FAM98C: variants seen among roughly 807,000 people sequenced by gnomAD.
The protein encoded by FAM98C is tRNA splicing ligase complex subunit 3C.
Under a neutral mutation model 41.1 loss-of-function variants are expected in FAM98C, and 38 were observed. The ratio of observed to expected loss-of-function variants is 0.92; its 90% confidence interval spans 0.71 to 1.21. FAM98C has a LOEUF of 1.21. Among genes scored for constraint, FAM98C ranks in the 50% most tolerant of loss-of-function variants. The pLI is 0.00. For synonymous variants in FAM98C, 195 were observed against 216.7 expected (o/e 0.90, Z 0.88); for missense variants, 493 against 484.7 (o/e 1.02, Z -0.16).
At chr19:38,404,235 G>C (rs369171194) in intron 3 of FAM98C, among the ~76,000 whole-genome samples, 1 of 152,164 alleles carries the variant, frequency 6.6e-6, no homozygotes, top group East Asian at 1.9e-4. Context: ...GCTCAAGTGG[G>C]TTGGATTAGG....
chr19:38,407,376 C>T (rs926596622), intron 7 of FAM98C: 2 of 269,958 alleles, frequency 7.4e-6, no homozygotes, highest in Non-Finnish European at 7.2e-6. Flanking sequence ...GTTTTTTAAC[C>T]TTTTTTTTTT....
Position 38,403,597 on chromosome 19 carries a change from C to T in FAM98C, c.252C>T (p.Gly84=). The T allele has an allele frequency of 6.7e-7, 1 of 1,495,482 alleles. No individual in the cohort carries two copies. Among genetic ancestry groups the T allele is most frequent in the Non-Finnish European group, 8.8e-7 (1 of 1,132,802 alleles). 92.6% of individuals were successfully genotyped at this position (1,495,482 alleles called of 1,614,324 possible). A position where few individuals can be genotyped will look rare whatever the true frequency, so the allele number is the denominator to read the frequency against. The change falls in exon 3 of 8, where the codon GGC becomes GGT. Residue 84 remains glycine (G), a synonymous_variant. Coordinates refer to ENST00000252530, the MANE Select transcript of FAM98C (RefSeq NM_174905.4). The part of the protein sequence containing the change: ...GAEEDFLRQL[G]SLLRELHCPD... Reference sequence around the variant, plus strand: ...AGGAGGACTTTCTGCGGCAGCTCGGCAGCCTGCTGCGGGAGCTGCACTGCC... The same window carrying T: ...AGGAGGACTTTCTGCGGCAGCTCGGTAGCCTGCTGCGGGAGCTGCACTGCC...
At chr19:38,403,516 G>A in intron 2 of FAM98C, 30 bp downstream of exon 2, 1 of 1,422,394 alleles carries the variant, frequency 7.0e-7, no homozygotes, top group Non-Finnish European at 9.1e-7. Context: ...GTGGCAGGGG[G>A]GCCGCCACGG....
chr19:38,406,977 T>C lies in FAM98C; in HGVS notation c.818T>C (p.Ile273Thr), dbSNP rs1020470432. Residue 273 changes from isoleucine to threonine, a missense_variant, in exon 7 of 8, where the codon ATC becomes ACC. By Grantham distance (89) the Ile-to-Thr change is moderately conservative (BLOSUM62 -1). Coordinates refer to ENST00000252530, the MANE Select transcript of FAM98C (RefSeq NM_174905.4). Reference sequence around the variant, plus strand: ...GAGGTTCTGACCCCAGAATCGGACATCTCCATTGCACACGTTCTGGCTGCC... The same window carrying C: ...GAGGTTCTGACCCCAGAATCGGACACCTCCATTGCACACGTTCTGGCTGCC... The part of the protein sequence containing the change: ...IREVLTPESD[I>T]SIAHVLAARA... The C allele has an allele frequency of 2.3e-5, 37 of 1,613,994 alleles. No homozygotes were observed. The highest frequency in any genetic ancestry group is 2.9e-5 in the Non-Finnish European group (34 of 1,180,028).
At position 38,406,956 on chromosome 19, in the gene FAM98C, TTC is replaced by T. The variant is rs1274088119; in HGVS notation, c.799_800del (p.Leu267AspfsTer54). ...GCAGTGCTGATCCCAATTCGAGAGG[TTC>T]TGACCCCAGAATCGGACATCTCCAT... On this transcript the variant is annotated frameshift_variant, in exon 7 of 8. Transcript: ENST00000252530. LOFTEE classifies it high-confidence loss of function. The T allele has an allele frequency of 5.0e-6, 8 of 1,613,948 alleles. No individual in the cohort carries two copies. The highest frequency in any genetic ancestry group is 1.3e-5 in the African/African-American group (1 of 74,872).
intron 7 of FAM98C, 77 bp downstream of exon 7, chr19:38,407,154 G>C: frequency 1.9e-6 from 3 of 1,540,252 alleles, no homozygotes; most frequent in Non-Finnish European, 2.7e-6. Flanking sequence ...TCCAGTCCAA[G>C]TTTCAGACTT....
At chr19:38,404,833 G>T (rs113976914) in intron 3 of FAM98C, 75 bp from the exon 4 acceptor site, 50,007 of 1,548,376 alleles carry the variant, frequency 0.032, 911 homozygotes, top group African/African-American at 0.056. Context: ...CCGGCCATCA[G>T]TGGAGCTTTT....
Position 38,405,067 on chromosome 19 carries a change from C to T in FAM98C, c.509C>T (p.Ala170Val), listed in dbSNP as rs771652219. The T allele has an allele frequency of 1.2e-6, 2 of 1,612,344 alleles. No individual in the cohort carries two copies. Among genetic ancestry groups the T allele is most frequent in the South Asian group, 1.1e-5 (1 of 91,050 alleles). Reference protein sequence around the residue: ...TLQALGLPRPAPGTPASQLLQ... With the variant: ...TLQALGLPRPVPGTPASQLLQ... ...CAAGCCCTGGGGCTGCCCAGACCTG[C>T]ACCAGGGACCCCCGCCAGCCAGCTG... Residue 170 changes from alanine to valine, a missense_variant, in exon 4 of 8, where the codon GCA becomes GTA. Ala to Val is a moderately conservative substitution (Grantham distance 64). Coordinates refer to ENST00000252530, the MANE Select transcript of FAM98C (RefSeq NM_174905.4).
intron 7 of FAM98C, chr19:38,408,390 TCTA>T (rs1754284498): frequency 4.7e-6 from 1 of 210,656 alleles, no homozygotes; most frequent in Admixed American, 5.4e-5. Flanking sequence ...AAACCCTGTC[TCTA>T]CTAAAAATAT....
intron 7 of FAM98C, chr19:38,407,376 C>CTTT: frequency 3.7e-6 from 1 of 269,962 alleles, no homozygotes; most frequent in Non-Finnish European, 7.2e-6. Context: ...GTTTTTTAAC[C>CTTT]TTTTTTTTTT....
At chr19:38,405,185 C>T (rs1298173907) in intron 4 of FAM98C, 72 bp downstream of exon 4, 2 of 1,544,526 alleles carry the variant, frequency 1.3e-6, no homozygotes, top group Admixed American at 3.7e-5. Flanking sequence ...CCTCTCTCCA[C>T]TTCTGGAAGG....
chr19:38,404,464 G>A (rs1971010558), intron 3 of FAM98C, among the ~76,000 whole-genome samples: 1 of 152,104 alleles, frequency 6.6e-6, no homozygotes, highest in African/African-American at 2.4e-5. Flanking sequence ...GCCTCCCAAG[G>A]TGTTGGGATT....
intron 3 of FAM98C, among the ~76,000 whole-genome samples, chr19:38,404,385 G>A (rs1244821462): frequency 6.6e-6 from 1 of 152,076 alleles, no homozygotes; most frequent in East Asian, 1.9e-4. Context: ...TTTTTAAGTG[G>A]AGGTGGGGTC....
At chr19:38,403,257 G>A (rs571712703) in intron 1 of FAM98C, 39 bp downstream of exon 1, 5 of 1,547,318 alleles carry the variant, frequency 3.2e-6, no homozygotes, top group Admixed American at 3.9e-5. Flanking sequence ...GTGCAGGAAG[G>A]CCAGGTCTGC....
At chr19:38,405,715 C>T in intron 6 of FAM98C, 80 bp downstream of exon 6, 2 of 1,331,598 alleles carry the variant, frequency 1.5e-6, no homozygotes, top group Non-Finnish European at 2.2e-6. Context: ...GAATGAGGGC[C>T]AGGAGTATCA....
At chr19:38,407,492 TAC>T in intron 7 of FAM98C, 1 of 175,556 alleles carries the variant, frequency 5.7e-6, no homozygotes, top group Non-Finnish European at 1.2e-5. Flanking sequence ...TGCCTCAGCC[TAC>T]CGAGTAGCTA....
At chr19:38,405,858 C>CTT in intron 6 of FAM98C, 1 of 482,612 alleles carries the variant, frequency 2.1e-6, no homozygotes, top group East Asian at 3.5e-5. Context: ...CATACCCCAT[C>CTT]ATTTTTTTTT....
In FAM98C at chr19:38,405,379, C is replaced by T; in HGVS notation, c.591C>T (p.Ser197=). 1 of 1,614,102 alleles carries T rather than the reference C, an allele frequency of 6.2e-7. No homozygotes were observed. Among genetic ancestry groups the T allele is most frequent in the Non-Finnish European group, 8.5e-7 (1 of 1,180,020 alleles). Residue 197 remains serine (S), a synonymous_variant, in exon 5 of 8, where the codon TCC becomes TCT. Transcript: ENST00000252530. ...SELQPSLPPG[S]LQPLLSCSLD... is the part of the protein sequence containing the mutation. Reference sequence around the variant, plus strand: ...TGCAGCCTTCTCTGCCCCCAGGGTCCCTGCAGCCCCTCCTCAGCTGCTCGC... The same window carrying T: ...TGCAGCCTTCTCTGCCCCCAGGGTCTCTGCAGCCCCTCCTCAGCTGCTCGC...
At position 38,407,090 on chromosome 19, in the gene FAM98C, G is replaced by A. The variant is rs759095515; in HGVS notation, c.918+13G>A. The A allele has an allele frequency of 4.3e-6, 7 of 1,610,984 alleles. No homozygotes were observed. Among genetic ancestry groups the A allele is most frequent in the African/African-American group, 1.3e-5 (1 of 74,886 alleles). On this transcript the variant is annotated intron_variant, in intron 7 of 7. Coordinates refer to ENST00000252530, the MANE Select transcript of FAM98C (RefSeq NM_174905.4). The stretch of plus-strand genomic sequence containing the variant: ...TGCCATCAACAAGGTGGGCATCTGG[G>A]GTAGGGAAGGGCCCTGGCATCCTTG...
Sources: allele counts gnomAD v4.1 joint callset (sites outside exome capture counted in the v4.1 genomes callset), GRCh38; gene constraint gnomAD v4.1.1; transcripts MANE v1.5; gene names NCBI Gene and HGNC (gene_info 2026-07-23, HGNC 2026-07-21).